Variants in FOXO1 observed in about 807,000 individuals in gnomAD.
FOXO1 encodes forkhead box O1.
FOXO1 carries 6 observed loss-of-function variants against 44.1 expected under a neutral mutation model. The ratio of observed to expected loss-of-function variants is 0.14; its 90% CI spans 0.07 to 0.27. The LOEUF is 0.27. Among genes scored for constraint, FOXO1 ranks in the 10% least tolerant of loss-of-function variants. The pLI, the probability that FOXO1 is intolerant of heterozygous loss-of-function variation, is 1.00. For missense variants in FOXO1, 737 were observed against 888.8 expected (o/e 0.83, Z 2.17); for synonymous variants, 380 against 362.7 (o/e 1.05, Z -0.54).
chr13:40,657,954 G>A (rs1877908986), intron 1 of FOXO1, among the ~76,000 whole-genome samples: 1 of 152,152 alleles, frequency 6.6e-6, no homozygotes, highest in South Asian at 2.1e-4. Flanking sequence ...ACAGGAAGCT[G>A]AAATATAAAA....
At chr13:40,635,970 G>A (rs977051854) in intron 1 of FOXO1, among the ~76,000 whole-genome samples, 1 of 152,218 alleles carries the variant, frequency 6.6e-6, no homozygotes, top group Non-Finnish European at 1.5e-5. Flanking sequence ...AGCCCTTTGG[G>A]AGGCTGAGGC....
At chr13:40,583,242 C>T (rs1445805211) in intron 1 of FOXO1, among the ~76,000 whole-genome samples, 1 of 152,180 alleles carries the variant, frequency 6.6e-6, no homozygotes, top group Non-Finnish European at 1.5e-5. Context: ...GTCGCTCAGG[C>T]TTTGTTGTTC....
At chr13:40,653,488 G>A (rs994794176) in intron 1 of FOXO1, among the ~76,000 whole-genome samples, 3 of 151,912 alleles carry the variant, frequency 2.0e-5, no homozygotes, top group Non-Finnish European at 4.4e-5. Flanking sequence ...GAAAGGAGAG[G>A]GCCGAAACAC....
At chr13:40,561,413 G>C (rs906938018) in intron 1 of FOXO1, among the ~76,000 whole-genome samples, 3 of 150,924 alleles carry the variant, frequency 2.0e-5, no homozygotes, top group African/African-American at 7.3e-5. Context: ...TTAATAAAGA[G>C]TATTGTAAAT....
intron 1 of FOXO1, among the ~76,000 whole-genome samples, chr13:40,634,543 A>C (rs1182624035): frequency 2.0e-5 from 3 of 152,226 alleles, no homozygotes; most frequent in African/African-American, 7.2e-5. Flanking sequence ...TGGGAGGCTT[A>C]AGGCAGGGCA....
intron 1 of FOXO1, among the ~76,000 whole-genome samples, chr13:40,639,862 T>TA (rs1409569129): frequency 6.6e-6 from 1 of 152,126 alleles, no homozygotes; most frequent in African/African-American, 2.4e-5. Flanking sequence ...TCTTCGAAAA[T>TA]AAAACGACTG....
intron 1 of FOXO1, among the ~76,000 whole-genome samples, chr13:40,593,137 C>T (rs756437984): frequency 3.3e-5 from 5 of 152,116 alleles, no homozygotes; most frequent in Non-Finnish European, 7.4e-5. Context: ...GATGGCCCCA[C>T]CTCAGCCTCC....
intron 1 of FOXO1, among the ~76,000 whole-genome samples, chr13:40,590,820 G>A (rs1875339272): frequency 6.6e-6 from 1 of 151,974 alleles, no homozygotes; most frequent in Admixed American, 6.6e-5. Flanking sequence ...ATTTCACCTG[G>A]TACAAGTAGC....
At chr13:40,607,835 AG>A (rs1235543303) in intron 1 of FOXO1, among the ~76,000 whole-genome samples, 1 of 152,274 alleles carries the variant, frequency 6.6e-6, no homozygotes, top group African/African-American at 2.4e-5. Context: ...GGGCTAGCCC[AG>A]TATCTTCATT....
intron 1 of FOXO1, among the ~76,000 whole-genome samples, chr13:40,604,521 T>C (rs940438984): frequency 3.9e-5 from 6 of 152,154 alleles, no homozygotes; most frequent in Non-Finnish European, 8.8e-5. Flanking sequence ...CAGAATCATA[T>C]TGGCATCAGG....
At chr13:40,662,905 A>C (rs1878082265) in intron 1 of FOXO1, among the ~76,000 whole-genome samples, 1 of 152,244 alleles carries the variant, frequency 6.6e-6, no homozygotes, top group South Asian at 2.1e-4. Flanking sequence ...GGAGTCTTTC[A>C]GATCTGAGAG....
intron 1 of FOXO1, among the ~76,000 whole-genome samples, chr13:40,644,439 G>A (rs1877449921): frequency 6.6e-6 from 1 of 152,138 alleles, no homozygotes; most frequent in Admixed American, 6.5e-5. Flanking sequence ...AGAAAAGTAG[G>A]GTGGGAGAAT....
At chr13:40,579,098 T>C (rs1456919097) in intron 1 of FOXO1, among the ~76,000 whole-genome samples, 1 of 152,200 alleles carries the variant, frequency 6.6e-6, no homozygotes, top group Non-Finnish European at 1.5e-5. Context: ...CTGTCCTAAA[T>C]GCCCCACAGA....
chr13:40,636,392 G>C (rs1877152603), intron 1 of FOXO1, among the ~76,000 whole-genome samples: 3 of 152,126 alleles, frequency 2.0e-5, no homozygotes, highest in African/African-American at 7.2e-5. Context: ...ATAATGGGCT[G>C]GGCCCAGTGG....
intron 1 of FOXO1, among the ~76,000 whole-genome samples, chr13:40,602,973 G>A (rs2137881412): frequency 6.6e-6 from 1 of 152,226 alleles, no homozygotes; most frequent in African/African-American, 2.4e-5. Context: ...GTGATGGATG[G>A]ATGGGAATGA....
chr13:40,599,626 T>C lies in FOXO1; in HGVS notation c.631-38766A>G, dbSNP rs191235046. Among the ~76,000 whole-genome samples the C allele has an allele frequency of 8.4e-4, 128 of 152,236 alleles. 1 individual carries two copies. The East Asian group carries it at 0.022, about 26-fold the overall frequency. ...GAGCCTGGCTTTTTTCATTGAGTGG[T>C]TCTAGATAGGGTGGGTACGGAAAAG... On this transcript the variant is annotated intron_variant, in intron 1 of 2. Coordinates refer to ENST00000379561, the MANE Select transcript of FOXO1 (RefSeq NM_002015.4).
In FOXO1 at chr13:40,634,702, C is replaced by T. The variant is rs1018465992; in HGVS notation, c.630+30881G>A. On this transcript the variant is annotated intron_variant, in intron 1 of 2. Transcript: ENST00000379561. Reference sequence around the variant, plus strand: ...TTAGTACTTTTTTTTTTTTTTTAGACGGAGTCTTGCTCTGTCGCCCAGGCT... The same window carrying T: ...TTAGTACTTTTTTTTTTTTTTTAGATGGAGTCTTGCTCTGTCGCCCAGGCT... Among the ~76,000 whole-genome samples the T allele has an allele frequency of 2.7e-5, 4 of 150,418 alleles. No individual in the cohort carries two copies. In the East Asian group the frequency reaches 5.9e-4, roughly 22 times the overall value.
At chr13:40,566,658 CG>C (rs1874281278) in intron 1 of FOXO1, among the ~76,000 whole-genome samples, 1 of 152,090 alleles carries the variant, frequency 6.6e-6, no homozygotes, top group African/African-American at 2.4e-5. Flanking sequence ...GGATTACAGG[CG>C]TGAGCCACTG....
At chr13:40,625,713 T>C (rs1181330642) in intron 1 of FOXO1, among the ~76,000 whole-genome samples, 3 of 152,114 alleles carry the variant, frequency 2.0e-5, no homozygotes, top group African/African-American at 7.2e-5. Context: ...TTATATGATC[T>C]TGTAATTTTA....
Sources: gnomAD v4.1 joint callset for allele counts (sites outside exome capture counted in the v4.1 genomes callset) on GRCh38, gnomAD v4.1.1 for gene constraint, MANE v1.5 for transcripts, NCBI Gene and HGNC (gene_info 2026-07-23, HGNC 2026-07-21) for gene names.